SNTG2: variants seen among roughly 807,000 people sequenced by gnomAD.
SNTG2 encodes gamma-2-syntrophin.
SNTG2 carries 74 observed loss-of-function variants against 70.9 expected under a neutral mutation model. The ratio of observed to expected loss-of-function variants is 1.04; its 90% CI spans 0.86 to 1.27. The LOEUF (loss-of-function observed/expected upper bound fraction) is 1.27, where lower values mean the gene tolerates loss of function less well. Ranked by LOEUF, SNTG2 falls within the 50% of genes most tolerant of loss-of-function variation. SNTG2 has a pLI of 0.00. For missense variants in SNTG2, 717 were observed against 690.7 expected (o/e 1.04, Z -0.43); for synonymous variants, 278 against 273.8 (o/e 1.02, Z -0.15).
intron 1 of SNTG2, among the ~76,000 whole-genome samples, chr2:1,078,462 C>T (rs528231809): frequency 6.6e-6 from 1 of 152,110 alleles, no homozygotes; most frequent in East Asian, 1.9e-4. Flanking sequence ...GTGGACAGAC[C>T]CCAGGCAGGT....
intron 8 of SNTG2, among the ~76,000 whole-genome samples, chr2:1,206,702 C>T (rs1572723721): frequency 6.6e-6 from 1 of 152,136 alleles, no homozygotes; most frequent in Non-Finnish European, 1.5e-5. Flanking sequence ...CAAAGCTGCA[C>T]CTACAAGCTC....
intron 16 of SNTG2, among the ~76,000 whole-genome samples, chr2:1,320,705 A>G (rs1165973984): frequency 1.3e-5 from 2 of 152,118 alleles, no homozygotes; most frequent in Non-Finnish European, 2.9e-5. Flanking sequence ...CTTTAAAAAA[A>G]AAGAGTGGAG....
intron 14 of SNTG2, among the ~76,000 whole-genome samples, chr2:1,275,994 A>G (rs1679250997): frequency 6.6e-6 from 1 of 152,260 alleles, no homozygotes; most frequent in African/African-American, 2.4e-5. Flanking sequence ...AGCCTAATCC[A>G]GAACAAGGCC....
At chr2:1,364,988 T>C (rs1199598682) in intron 16 of SNTG2, among the ~76,000 whole-genome samples, 1 of 152,212 alleles carries the variant, frequency 6.6e-6, no homozygotes, top group Non-Finnish European at 1.5e-5. Context: ...AAAGTCCCTT[T>C]AAAGCTCAGT....
chr2:1,167,326 T>C (rs1271802803), intron 7 of SNTG2, among the ~76,000 whole-genome samples: 1,134 of 66,520 alleles, frequency 0.017, 4 homozygotes, highest in African/African-American at 0.046. Context: ...CTGAAGCCTA[T>C]AGGCCGCCCA....
intron 12 of SNTG2, among the ~76,000 whole-genome samples, chr2:1,255,844 A>C (rs1678035498): frequency 2.5e-5 from 1 of 40,528 alleles, no homozygotes; most frequent in African/African-American, 1.1e-4. Context: ...ATATATATAA[A>C]TATATATAAA....
At chr2:1,225,460 C>T (rs569498598) in intron 9 of SNTG2, among the ~76,000 whole-genome samples, 234 of 152,224 alleles carry the variant, frequency 1.5e-3, no homozygotes, top group Middle Eastern at 0.014. Flanking sequence ...CATCGTTGAC[C>T]GGTCGTAAAG....
At chr2:1,131,235 G>A (rs6749224) in intron 4 of SNTG2, among the ~76,000 whole-genome samples, 18,235 of 152,132 alleles carry the variant, frequency 0.12, 1,144 homozygotes, top group Admixed American at 0.15. Flanking sequence ...TAGAAGATGT[G>A]TTTTGACTGA....
intron 7 of SNTG2, among the ~76,000 whole-genome samples, chr2:1,166,269 G>A (rs963862076): frequency 3.3e-5 from 5 of 152,104 alleles, no homozygotes; most frequent in Admixed American, 2.6e-4. Flanking sequence ...GAAAGGCCTC[G>A]AAGGCAAGGC....
chr2:1,267,499 G>A lies in SNTG2; in HGVS notation c.1212G>A (p.Glu404=). The A allele has an allele frequency of 6.2e-7, 1 of 1,613,928 alleles. No individual in the cohort carries two copies. Among genetic ancestry groups the A allele is most frequent in the Non-Finnish European group, 8.5e-7 (1 of 1,179,886 alleles). The change falls in exon 14 of 17, where the codon GAG becomes GAA. Residue 404 remains glutamate, a synonymous_variant. Transcript: ENST00000308624. ...GGAAGAGCCATGTTTTCAACGTGGA[G>A]CTTGGCAGCGAGCTGGCCATGTGGG... The part of the protein sequence containing the change: ...GHGKSHVFNV[E]LGSELAMWEK...
chr2:1,289,811 A>T (rs1218790112), intron 14 of SNTG2, among the ~76,000 whole-genome samples: 1 of 152,060 alleles, frequency 6.6e-6, no homozygotes, highest in African/African-American at 2.4e-5. Flanking sequence ...ACCCCAGCCC[A>T]TGGTAGCCAC....
intron 1 of SNTG2, among the ~76,000 whole-genome samples, chr2:1,015,004 T>C (rs1348539205): frequency 1.3e-5 from 2 of 152,098 alleles, no homozygotes; most frequent in East Asian, 3.9e-4. Context: ...GGGCTGCATG[T>C]GGCTGGGTAG....
intron 4 of SNTG2, among the ~76,000 whole-genome samples, chr2:1,123,688 A>G (rs1667521671): frequency 1.3e-5 from 2 of 152,246 alleles, no homozygotes; most frequent in Non-Finnish European, 2.9e-5. Flanking sequence ...TCAGACTACA[A>G]AAGCACAAAT....
At chr2:1,015,549 C>G (rs964943865) in intron 1 of SNTG2, among the ~76,000 whole-genome samples, 1 of 152,122 alleles carries the variant, frequency 6.6e-6, no homozygotes, top group African/African-American at 2.4e-5. Context: ...GACAGACAGT[C>G]CAGCAGGTGG....
At chr2:1,325,709 T>C (rs1174101150) in intron 16 of SNTG2, among the ~76,000 whole-genome samples, 7 of 152,246 alleles carry the variant, frequency 4.6e-5, no homozygotes, top group Admixed American at 4.6e-4. Context: ...AATAATTGCC[T>C]GTGGGTGACA....
intron 6 of SNTG2, among the ~76,000 whole-genome samples, chr2:1,144,612 A>G (rs950260604): frequency 2.0e-5 from 3 of 152,338 alleles, no homozygotes; most frequent in Middle Eastern, 6.8e-3. Flanking sequence ...AGGCCTCAGA[A>G]TCATGGTGGA....
chr2:1,221,474 T>C (rs1166308076), intron 9 of SNTG2, among the ~76,000 whole-genome samples: 1 of 50,668 alleles, frequency 2.0e-5, no homozygotes, highest in Non-Finnish European at 3.6e-5. Flanking sequence ...TGTCTCTCTG[T>C]CTCTCTCTCT....
chr2:1,029,208 A>G (rs909197116), intron 1 of SNTG2, among the ~76,000 whole-genome samples: 9 of 152,210 alleles, frequency 5.9e-5, no homozygotes, highest in African/African-American at 2.2e-4. Flanking sequence ...GTACGTTACC[A>G]AAAGTCTCAG....
At chr2:1,134,333 C>T (rs923931568) in intron 4 of SNTG2, among the ~76,000 whole-genome samples, 1 of 152,078 alleles carries the variant, frequency 6.6e-6, no homozygotes, top group Non-Finnish European at 1.5e-5. Flanking sequence ...CTGATTGGTC[C>T]ATTTTACATA....
Sources: allele counts gnomAD v4.1 joint callset (sites outside exome capture counted in the v4.1 genomes callset), GRCh38; gene constraint gnomAD v4.1.1; transcripts MANE v1.5; gene names NCBI Gene and HGNC (gene_info 2026-07-23, HGNC 2026-07-21).